Variants in FUZ observed in about 807,000 individuals in gnomAD.
The protein encoded by FUZ is protein fuzzy homolog.
In FUZ, 31 loss-of-function variants were observed where a neutral mutation model predicts 43.1. That is an observed-to-expected ratio of 0.72 (90% CI 0.54 to 0.97). FUZ has a LOEUF of 0.97. Among genes scored for constraint, FUZ ranks in the 50% least tolerant of loss-of-function variants. FUZ has a pLI of 0.00. For synonymous variants in FUZ, 274 were observed against 250.0 expected (o/e 1.10, Z -0.91); for missense variants, 539 against 543.8 (o/e 0.99, Z 0.09).
At position 49,813,252 on chromosome 19, in the gene FUZ, T is replaced by G; in HGVS notation, c.-146A>C. ...TTGGAAGAGGATTAACTTCCCGCCT[T>G]CTTCACCCAACTCAAACAGACCCTC... is the stretch of plus-strand genomic sequence containing the variant. On this transcript the variant is annotated 5_prime_UTR_variant, in exon 1 of 11. Transcript: ENST00000313777. 3 of 769,710 alleles carry G rather than the reference T, an allele frequency of 3.9e-6. No individual in the cohort carries two copies. Among genetic ancestry groups the G allele is most frequent in the Non-Finnish European group, 4.5e-6 (2 of 442,482 alleles). 47.7% of individuals were successfully genotyped at this position (769,710 alleles called of 1,614,324 possible).
At chr19:49,808,257 G>T in intron 10 of FUZ, 157 bp downstream of exon 10, 1 of 778,340 alleles carries the variant, frequency 1.3e-6, no homozygotes. Context: ...CTTCCCATCT[G>T]CATCAATGCT....
rs1290870840 is a variant in FUZ, at chr19:49,807,010, G to A, written c.*141C>T. On this transcript the variant is annotated 3_prime_UTR_variant, in exon 11 of 11. Transcript: ENST00000313777. Reference sequence around the variant, plus strand: ...CAGAGGGGAGAGGGGCCAGGGAAGTGGATGTCTCCTCCCCTCCCACCCCAC... The same window carrying A: ...CAGAGGGGAGAGGGGCCAGGGAAGTAGATGTCTCCTCCCCTCCCACCCCAC... The A allele has an allele frequency of 2.6e-6, 4 of 1,520,634 alleles. No homozygotes were observed. The highest frequency in any genetic ancestry group is 2.6e-6 in the Non-Finnish European group (3 of 1,137,462). 94.2% of individuals were successfully genotyped at this position (1,520,634 alleles called of 1,614,324 possible). A position where few individuals can be genotyped will look rare whatever the true frequency, so the allele number is the denominator to read the frequency against.
rs762455950 is a variant in FUZ, at chr19:49,811,409, G to A, written c.446C>T (p.Thr149Ile). ...LGDSELIGDLTQCVDCVIPPE... is the reference protein window; with the variant it reads ...LGDSELIGDLIQCVDCVIPPE... ...AGGAATCACGCAGTCCACACACTGG[G>A]TCAGGTCCCCGATGAGCTCCGAGTC... Residue 149 changes from threonine to isoleucine, a missense_variant, in exon 5 of 11, where the codon ACC becomes ATC. By Grantham distance (89) the Thr-to-Ile change is moderately conservative. Coordinates refer to ENST00000313777, the MANE Select transcript of FUZ (RefSeq NM_025129.5). 26 of 1,613,448 alleles carry A rather than the reference G, an allele frequency of 1.6e-5. No homozygotes were observed. In the South Asian group the frequency reaches 2.5e-4, roughly 16 times the overall value.
intron 10 of FUZ, 38 bp from the exon 11 acceptor site, chr19:49,807,412 CA>C (rs1302040683): frequency 6.4e-7 from 1 of 1,566,852 alleles, no homozygotes; most frequent in Non-Finnish European, 8.7e-7. Context: ...TGACAAGTAG[CA>C]TGCTAACCTT....
rs182017696 is a variant in FUZ at position 49,806,904 on chromosome 19, T to A, written c.*247A>T. On this transcript the variant is annotated 3_prime_UTR_variant, in exon 11 of 11. Coordinates refer to ENST00000313777, the MANE Select transcript of FUZ (RefSeq NM_025129.5). ...TGGGACTTTCCTCCGGCCTTTTGTA[T>A]TTTTATTTTTGTTCATCTGCTGCTG... The A allele has an allele frequency of 1.5e-5, 23 of 1,538,644 alleles. No individual in the cohort carries two copies. In the Admixed American group the frequency reaches 3.7e-4, roughly 25 times the overall value.
In FUZ at chr19:49,808,757, C is replaced by T. The variant is rs1426734574; in HGVS notation, c.853G>A (p.Ala285Thr). ...TGAAGGGGGAAGCCACTGGGCAGCG[C>T]CCGGGGTCCCAACGGCAGACAGGCC... ...LRACLPLGPR[A>T]LPSGFPLHTD... The change falls in exon 8 of 11, where the codon GCG becomes ACG. Residue 285 changes from alanine to threonine, a missense_variant. Transcript: ENST00000313777. The T allele has an allele frequency of 6.3e-7, 1 of 1,577,662 alleles. No homozygotes were observed. The highest frequency in any genetic ancestry group is 8.6e-7 in the Non-Finnish European group (1 of 1,161,610).
At chr19:49,808,169 G>A in intron 10 of FUZ, 1 of 589,858 alleles carries the variant, frequency 1.7e-6, no homozygotes, top group Non-Finnish European at 3.1e-6. Flanking sequence ...ACTGGGAAGA[G>A]GTGAGGTCTC....
chr19:49,808,924 G>T, intron 7 of FUZ, 101 bp from the exon 8 acceptor site: 1 of 994,128 alleles, frequency 1.0e-6, no homozygotes, highest in Non-Finnish European at 1.5e-6. Context: ...ATCGGGAGGG[G>T]CGGGGCCTGC....
chr19:49,808,254 T>A (rs1028138496), intron 10 of FUZ, 160 bp downstream of exon 10: 4 of 769,348 alleles, frequency 5.2e-6, no homozygotes, highest in African/African-American at 5.1e-5. Context: ...TCCCTTCCCA[T>A]CTGCATCAAT....
At chr19:49,807,729 G>A (rs1027696742) in intron 10 of FUZ, among the ~76,000 whole-genome samples, 1 of 152,166 alleles carries the variant, frequency 6.6e-6, no homozygotes, top group Non-Finnish European at 1.5e-5. Flanking sequence ...GGCGGGTGGA[G>A]GGAAACAGGC....
chr19:49,806,957 C>T lies in FUZ; in HGVS notation c.*194G>A. The T allele has an allele frequency of 6.5e-7, 1 of 1,533,052 alleles. No individual in the cohort carries two copies. The highest frequency in any genetic ancestry group is 8.7e-7 in the Non-Finnish European group (1 of 1,146,426). The allele number at this position is 1,533,052 out of a possible 1,614,324, so 95.0% of individuals were successfully genotyped here. On this transcript the variant is annotated 3_prime_UTR_variant, in exon 11 of 11. Coordinates refer to ENST00000313777, the MANE Select transcript of FUZ (RefSeq NM_025129.5). ...TACATTCTGGGGGGTTAGGGGGAGT[C>T]CCCCTCCCTCCCTTTCCCCCCCAAG...
At chr19:49,813,467 C>G (rs2073884985), upstream of FUZ, 2 of 391,750 alleles carry the variant, frequency 5.1e-6, no homozygotes, top group Admixed American at 7.4e-5. Context: ...TAGCCACCAT[C>G]CTGTAGGCTT....
At position 49,813,174 on chromosome 19, in the gene FUZ, A is replaced by C; in HGVS notation, c.-68T>G. On this transcript the variant is annotated 5_prime_UTR_variant, in exon 1 of 11. Coordinates refer to ENST00000313777, the MANE Select transcript of FUZ (RefSeq NM_025129.5). ...CGGGTCTTGGAGCATGGCGGTAATC[A>C]GAGTAACTCGGCCTGTGGTCCGGAG... The C allele has an allele frequency of 7.2e-7, 1 of 1,382,216 alleles. No homozygotes were observed. Among genetic ancestry groups the C allele is most frequent in the Non-Finnish European group, 1.0e-6 (1 of 994,060 alleles). 85.6% of individuals were successfully genotyped at this position (1,382,216 alleles called of 1,614,324 possible).
chr19:49,812,298 AGATGCCCACCTCAGAT>A lies in FUZ; in HGVS notation c.255_270del (p.Ser86LeufsTer3). The A allele has an allele frequency of 2.5e-6, 4 of 1,614,088 alleles. No individual in the cohort carries two copies. The highest frequency in any genetic ancestry group is 3.4e-6 in the Non-Finnish European group (4 of 1,179,970). On this transcript the variant is annotated frameshift_variant, in exon 3 of 11. Coordinates refer to ENST00000313777, the MANE Select transcript of FUZ (RefSeq NM_025129.5). LOFTEE classifies it high-confidence loss of function. ...AGTAGTCTCTCCAGCCTCAGCTCAG[AGATGCCCACCTCAGAT>A]GACAGAACAATGAGGGTGATGCTGT... is the stretch of plus-strand genomic sequence containing the variant.
At position 49,807,047 on chromosome 19, in the gene FUZ, C is replaced by G. The variant is rs749517017; in HGVS notation, c.*104G>C. 4 of 1,268,712 alleles carry G rather than the reference C, an allele frequency of 3.2e-6. No individual in the cohort carries two copies. Among genetic ancestry groups the G allele is most frequent in the Non-Finnish European group, 4.2e-6 (4 of 946,338 alleles). The allele number at this position is 1,268,712 out of a possible 1,614,324, so 78.6% of individuals were successfully genotyped here. The stretch of plus-strand genomic sequence containing the variant: ...CCCTCCCACCCCACCCTGTTGTAGC[C>G]CCTCCTACCCCCTCCCCATCCAGGG... On this transcript the variant is annotated 3_prime_UTR_variant, in exon 11 of 11. Coordinates refer to ENST00000313777, the MANE Select transcript of FUZ (RefSeq NM_025129.5).
intron 3 of FUZ, 97 bp from the exon 4 acceptor site, chr19:49,811,796 G>C: frequency 9.8e-7 from 1 of 1,024,088 alleles, no homozygotes; most frequent in Non-Finnish European, 1.5e-6. Context: ...TCTGGGTCTG[G>C]GGACTGGGGA....
At chr19:49,807,548 A>G (rs1054199461) in intron 10 of FUZ, among the ~76,000 whole-genome samples, 174 bp from the exon 11 acceptor site, 1 of 152,180 alleles carries the variant, frequency 6.6e-6, no homozygotes, top group African/African-American at 2.4e-5. Context: ...CTTGAAGACC[A>G]CAATGATGTC....
In FUZ at chr19:49,808,721, G is replaced by A. The variant is rs765935647; in HGVS notation, c.889C>T (p.Leu297Phe). 4 of 1,592,552 alleles carry A rather than the reference G, an allele frequency of 2.5e-6. No individual in the cohort carries two copies. In the East Asian group the frequency reaches 9.1e-5, roughly 36 times the overall value. The change falls in exon 8 of 11, where the codon CTC (leucine) becomes TTC (phenylalanine). Residue 297 changes from leucine to phenylalanine, a missense_variant. Leu to Phe is a conservative substitution (Grantham distance 22). Transcript: ENST00000313777. ...PSGFPLHTDI[L>F]GLLLLHLELK... is the part of the protein sequence containing the mutation. ...CTCCCTCCATCCGAGCCCTACCCGA[G>A]GATGTCTGTGTGAAGGGGGAAGCCA... is the stretch of plus-strand genomic sequence containing the variant.
In FUZ at chr19:49,813,132, C is replaced by A; in HGVS notation, c.-26G>T. The A allele has an allele frequency of 1.3e-6, 2 of 1,522,470 alleles. No homozygotes were observed. The highest frequency in any genetic ancestry group is 8.9e-7 in the Non-Finnish European group (1 of 1,120,954). The allele number at this position is 1,522,470 out of a possible 1,614,324, so 94.3% of individuals were successfully genotyped here. A position where few individuals can be genotyped will look rare whatever the true frequency, so the allele number is the denominator to read the frequency against. On this transcript the variant is annotated 5_prime_UTR_variant, in exon 1 of 11. Transcript: ENST00000313777. ...TTAGGACTCCCACCGCGGTCCCTCACGTGGGGACTGTCAGTGCGGGTCTTG... is the reference window on the plus strand; with the variant it reads ...TTAGGACTCCCACCGCGGTCCCTCAAGTGGGGACTGTCAGTGCGGGTCTTG...
Sources: gnomAD v4.1 joint callset for allele counts (sites outside exome capture counted in the v4.1 genomes callset) on GRCh38, gnomAD v4.1.1 for gene constraint, MANE v1.5 for transcripts, NCBI Gene and HGNC (gene_info 2026-07-23, HGNC 2026-07-21) for gene names.